NFX1: variants seen among roughly 807,000 people sequenced by gnomAD.
NFX1 encodes transcriptional repressor NF-X1.
In NFX1, 69 loss-of-function variants were observed where a neutral mutation model predicts 137.2. That is an observed-to-expected ratio of 0.50 (90% CI 0.41 to 0.61). The LOEUF (loss-of-function observed/expected upper bound fraction) is 0.61, where lower values mean the gene tolerates loss of function less well. Among genes scored for constraint, NFX1 ranks in the 20% least tolerant of loss-of-function variants. The pLI, the probability that NFX1 is intolerant of heterozygous loss-of-function variation, is 0.00. For missense variants in NFX1, 1,167 were observed against 1,391.0 expected (o/e 0.84, Z 2.56); for synonymous variants, 495 against 474.1 (o/e 1.04, Z -0.57).
chr9:33,298,849 A>T (rs1253002467), intron 2 of NFX1, among the ~76,000 whole-genome samples: 1 of 152,220 alleles, frequency 6.6e-6, no homozygotes, highest in Non-Finnish European at 1.5e-5. Flanking sequence ...AGGACAAGTT[A>T]GGAGGCTATT....
At chr9:33,305,048 C>T (rs910167437) in intron 4 of NFX1, among the ~76,000 whole-genome samples, 2 of 152,204 alleles carry the variant, frequency 1.3e-5, no homozygotes, top group East Asian at 3.9e-4. Context: ...GACTTTGCCC[C>T]ACACTGTTCT....
intron 23 of NFX1, among the ~76,000 whole-genome samples, chr9:33,367,959 C>G (rs546542983): frequency 2.6e-5 from 4 of 152,190 alleles, no homozygotes; most frequent in Middle Eastern, 3.4e-3. Context: ...CTGGGCCGGG[C>G]GCGGTGGCTC....
intron 7 of NFX1, among the ~76,000 whole-genome samples, chr9:33,314,973 A>G (rs182559248): frequency 1.7e-3 from 255 of 152,320 alleles, no homozygotes; most frequent in Middle Eastern, 3.4e-3. Context: ...GAATAGAAAA[A>G]AATTTTTTAA....
Position 33,300,449 on chromosome 9 carries a change from A to G in NFX1, c.1034-814A>G, listed in dbSNP as rs375602205. 7.8e-4 allele frequency among the ~76,000 whole-genome samples: 119 copies of G among 152,282 alleles called. 3 individuals are homozygous for G. The highest frequency in any genetic ancestry group is 2.7e-3 in the African/African-American group (113 of 41,564). Reference sequence around the variant, plus strand: ...AAGGTTAATTTTATTCTTTTAACTTATTTAGACCTGAAAGCAAATAACAAT... The same window carrying G: ...AAGGTTAATTTTATTCTTTTAACTTGTTTAGACCTGAAAGCAAATAACAAT... On this transcript the variant is annotated intron_variant, in intron 2 of 23. Coordinates refer to ENST00000379540, the MANE Select transcript of NFX1 (RefSeq NM_002504.6).
At position 33,353,753 on chromosome 9, in the gene NFX1, A is replaced by G. The variant is rs142445916; in HGVS notation, c.2730-333A>G. Among the ~76,000 whole-genome samples the G allele has an allele frequency of 1.2e-3, 173 of 148,406 alleles. 1 individual carries two copies. Among genetic ancestry groups the G allele is most frequent in the African/African-American group, 4.2e-3 (167 of 39,990 alleles). ...GCCCAGGCTAGAGTGCAATGGTGCA[A>G]TCTCGGCTCACTGCAACCTGCACCT... On this transcript the variant is annotated intron_variant, in intron 17 of 23. Transcript: ENST00000379540.
In NFX1 at chr9:33,318,761, T is replaced by C. The variant is rs1822268751; in HGVS notation, c.1619T>C (p.Val540Ala). 6.2e-7 allele frequency: 1 copy of C among 1,614,224 alleles called. No homozygotes were observed. Among genetic ancestry groups the C allele is most frequent in the Non-Finnish European group, 8.5e-7 (1 of 1,180,030 alleles). Residue 540 changes from valine (V) to alanine (A), a missense_variant, in exon 8 of 24, where the codon GTG (valine) becomes GCG (alanine). Coordinates refer to ENST00000379540, the MANE Select transcript of NFX1 (RefSeq NM_002504.6). ...VCYCGSTSRD[V>A]LCGTDVGKSD... Reference sequence around the variant, plus strand: ...TATTGCGGCAGCACCTCCCGAGATGTGTTATGTGGAACCGATGTAGGAAAG... The same window carrying C: ...TATTGCGGCAGCACCTCCCGAGATGCGTTATGTGGAACCGATGTAGGAAAG...
chr9:33,344,209 A>C, intron 14 of NFX1, 21 bp downstream of exon 14: 1 of 1,613,148 alleles, frequency 6.2e-7, no homozygotes, highest in Non-Finnish European at 8.5e-7. Flanking sequence ...ACTTGTCTTC[A>C]CACTTCAGCC....
At chr9:33,359,529 G>A (rs1823925373) in intron 19 of NFX1, among the ~76,000 whole-genome samples, 1 of 152,012 alleles carries the variant, frequency 6.6e-6, no homozygotes, top group Non-Finnish European at 1.5e-5. Flanking sequence ...AACCTGGGAG[G>A]CAGAGGGTGC....
chr9:33,352,876 CAT>C (rs1823689228), intron 17 of NFX1, 157 bp downstream of exon 17: 1 of 607,696 alleles, frequency 1.6e-6, no homozygotes, highest in Non-Finnish European at 2.9e-6. Flanking sequence ...TGCACAGATA[CAT>C]GTGTTTATCA....
chr9:33,295,914 A>G (rs1184325853), intron 2 of NFX1, among the ~76,000 whole-genome samples: 1 of 152,268 alleles, frequency 6.6e-6, no homozygotes, highest in East Asian at 1.9e-4. Context: ...TCAGAGAGCA[A>G]TCTTTATAAA....
chr9:33,369,661 G>A (rs1003567085), intron 23 of NFX1, among the ~76,000 whole-genome samples: 2 of 152,124 alleles, frequency 1.3e-5, no homozygotes, highest in East Asian at 1.9e-4. Flanking sequence ...ACTGTAAAGT[G>A]TAAATAGAGA....
chr9:33,362,820 C>T (rs1040144902), intron 19 of NFX1, among the ~76,000 whole-genome samples: 4 of 151,652 alleles, frequency 2.6e-5, no homozygotes, highest in Non-Finnish European at 1.5e-5. Context: ...TCTCCTGCCC[C>T]AGCCTCCTGA....
chr9:33,306,484 C>T (rs1564106967), intron 4 of NFX1, among the ~76,000 whole-genome samples: 2 of 152,106 alleles, frequency 1.3e-5, no homozygotes, highest in African/African-American at 4.8e-5. Flanking sequence ...GTGGATTGCA[C>T]CTCTCAACAT....
Position 33,326,845 on chromosome 9 carries a change from A to G in NFX1, c.1907-1736A>G, listed in dbSNP as rs1050263978. ...TATAACATATAGATGTGATATGTATAACAATAACTGCACAAAAGGGGAGAA... is the reference window on the plus strand; with the variant it reads ...TATAACATATAGATGTGATATGTATGACAATAACTGCACAAAAGGGGAGAA... On this transcript the variant is annotated intron_variant, in intron 9 of 23. Transcript: ENST00000379540. 4.6e-5 allele frequency among the ~76,000 whole-genome samples: 7 copies of G among 152,334 alleles called. No individual in the cohort carries two copies. In the South Asian group the frequency reaches 1.4e-3, roughly 32 times the overall value.
At chr9:33,304,729 C>A (rs1821691660) in intron 4 of NFX1, among the ~76,000 whole-genome samples, 1 of 152,102 alleles carries the variant, frequency 6.6e-6, no homozygotes, top group African/African-American at 2.4e-5. Context: ...AGAATCTCAG[C>A]CTTAATAGAT....
intron 5 of NFX1, among the ~76,000 whole-genome samples, chr9:33,309,999 C>T (rs1821906569): frequency 6.6e-6 from 1 of 152,150 alleles, no homozygotes; most frequent in African/African-American, 2.4e-5. Context: ...TAAAATATAA[C>T]TGTTGAATAA....
intron 5 of NFX1, among the ~76,000 whole-genome samples, chr9:33,309,644 CAG>C (rs890177573): frequency 1.1e-4 from 16 of 152,142 alleles, no homozygotes; most frequent in Admixed American, 7.9e-4. Context: ...TCAAAAGTGA[CAG>C]AGACAGGGTC....
chr9:33,325,093 A>G (rs1446333816), intron 9 of NFX1, among the ~76,000 whole-genome samples: 1 of 152,196 alleles, frequency 6.6e-6, no homozygotes, highest in Non-Finnish European at 1.5e-5. Context: ...AAAATATTTA[A>G]TGAAATAATA....
intron 5 of NFX1, among the ~76,000 whole-genome samples, chr9:33,308,049 C>T (rs1244531025): frequency 6.6e-6 from 1 of 152,142 alleles, no homozygotes; most frequent in Non-Finnish European, 1.5e-5. Context: ...AAGCAATCTG[C>T]TCTCCTCAGC....
Sources: gnomAD v4.1 joint callset for allele counts (sites outside exome capture counted in the v4.1 genomes callset) on GRCh38, gnomAD v4.1.1 for gene constraint, MANE v1.5 for transcripts, NCBI Gene and HGNC (gene_info 2026-07-23, HGNC 2026-07-21) for gene names.